The following PDE3A variants were observed in gnomAD, a reference collection of about 807,000 sequenced individuals.
PDE3A encodes the protein cGMP-inhibited 3',5'-cyclic phosphodiesterase 3A.
PDE3A carries 43 observed loss-of-function variants against 98.3 expected under a neutral mutation model. The ratio of observed to expected loss-of-function variants is 0.44; its 90% CI spans 0.34 to 0.56. PDE3A has a LOEUF of 0.56. Ranked by LOEUF, PDE3A falls within the 20% of genes least tolerant of loss-of-function variation. PDE3A has a pLI of 0.01. For missense variants in PDE3A, 1,427 were observed against 1,440.7 expected, an observed-to-expected ratio of 0.99 and a Z score of 0.15; for synonymous variants, 663 against 567.9, an observed-to-expected ratio of 1.17 and a Z score of -2.38.
At chr12:20,441,755 C>T (rs1944874323) in intron 1 of PDE3A, among the ~76,000 whole-genome samples, 1 of 152,016 alleles carries the variant, frequency 6.6e-6, no homozygotes. Flanking sequence ...GTGTTCCTCC[C>T]AATTACTCTG....
At chr12:20,398,297 CTT>C (rs34700120) in intron 1 of PDE3A, among the ~76,000 whole-genome samples, 10 of 140,890 alleles carry the variant, frequency 7.1e-5, no homozygotes, top group Admixed American at 7.1e-5. Context: ...TCTTAGTTCA[CTT>C]TTTTTTTTTT....
At chr12:20,460,671 C>G (rs1385934942) in intron 1 of PDE3A, among the ~76,000 whole-genome samples, 1 of 152,172 alleles carries the variant, frequency 6.6e-6, no homozygotes, top group Admixed American at 6.5e-5. Flanking sequence ...TAGTAGTCTT[C>G]TCAAGATTAT....
At chr12:20,542,436 TACACACACACACACACACACAC>T (rs57427303) in intron 1 of PDE3A, among the ~76,000 whole-genome samples, 9 of 149,892 alleles carry the variant, frequency 6.0e-5, no homozygotes, top group East Asian at 4.0e-4. Context: ...CGTAACAGCA[TACACACACACACACACACACAC>T]ACACACACAC....
intron 1 of PDE3A, among the ~76,000 whole-genome samples, chr12:20,403,189 C>T (rs1591892467): frequency 6.6e-6 from 1 of 152,118 alleles, no homozygotes; most frequent in Non-Finnish European, 1.5e-5. Context: ...TTGCAAAATG[C>T]AACAGTTCTA....
At chr12:20,650,263 G>T (rs1944886227) in intron 13 of PDE3A, among the ~76,000 whole-genome samples, 182 bp from the exon 14 acceptor site, 1 of 151,758 alleles carries the variant, frequency 6.6e-6, no homozygotes, top group Admixed American at 6.6e-5. Context: ...CTTTTTTTGT[G>T]AACTATTTTT....
Position 20,369,972 on chromosome 12 carries a change from G to A in PDE3A, c.688G>A (p.Glu230Lys), listed in dbSNP as rs756159871. The change falls in exon 1 of 16, where the codon GAG becomes AAG. Residue 230 changes from glutamate to lysine, a missense_variant. Physicochemically the swap from Glu to Lys is moderately conservative, Grantham distance 56. This residue lies in a region of PDE3A where 1,012 missense variants were observed against 886.5 expected (regional missense o/e 1.14). Transcript: ENST00000359062. ...AVRTVSLISL[E>K]RFKVAWRPYL... ...CAGGACCGTGTCCCTCATTTCCTTA[G>A]AGAGGTTCAAGGTCGCCTGGAGACC... 3.1e-6 allele frequency: 5 copies of A among 1,613,388 alleles called. No homozygotes were observed. Among genetic ancestry groups the A allele is most frequent in the South Asian group, 1.1e-5 (1 of 91,082 alleles).
chr12:20,646,119 A>G (rs939867865), intron 10 of PDE3A, among the ~76,000 whole-genome samples: 1 of 152,204 alleles, frequency 6.6e-6, no homozygotes, highest in African/African-American at 2.4e-5. Flanking sequence ...TGTCATAGCT[A>G]TTACATTTAT....
At chr12:20,569,433 T>C (rs992801477) in intron 2 of PDE3A, among the ~76,000 whole-genome samples, 4 of 152,156 alleles carry the variant, frequency 2.6e-5, no homozygotes, top group Non-Finnish European at 5.9e-5. Context: ...ATAGTATGTC[T>C]CTCTCTTCTT....
chr12:20,632,710 C>A (rs1944408524), intron 6 of PDE3A, among the ~76,000 whole-genome samples: 1 of 151,958 alleles, frequency 6.6e-6, no homozygotes, highest in Non-Finnish European at 1.5e-5. Context: ...CATCTAGGGC[C>A]TGTTTCTCTC....
chr12:20,373,523 TAAAG>T (rs1459550405), intron 1 of PDE3A, among the ~76,000 whole-genome samples: 1 of 152,144 alleles, frequency 6.6e-6, no homozygotes, highest in Non-Finnish European at 1.5e-5. Context: ...TCTTTATAAA[TAAAG>T]AACTATAATT....
In PDE3A at chr12:20,682,686, C is replaced by G. The variant is rs887849901; in HGVS notation, c.*2415C>G. Reference sequence around the variant, plus strand: ...AAAAATTACTATAAGTCAAATTTTGCCAGTGAATTTAACTATTTTTCTTTC... The same window carrying G: ...AAAAATTACTATAAGTCAAATTTTGGCAGTGAATTTAACTATTTTTCTTTC... On this transcript the variant is annotated 3_prime_UTR_variant, in exon 16 of 16. Coordinates refer to ENST00000359062, the MANE Select transcript of PDE3A (RefSeq NM_000921.5). 1 of 152,066 alleles carries G rather than the reference C, an allele frequency of 6.6e-6. No individual in the cohort carries two copies. The highest frequency in any genetic ancestry group is 1.5e-5 in the Non-Finnish European group (1 of 68,000). 9.4% of individuals were successfully genotyped at this position (152,066 alleles called of 1,614,324 possible).
Position 20,462,978 on chromosome 12 carries a change from C to T in PDE3A, c.960+92734C>T, listed in dbSNP as rs1190725235. ...GTAGAGATAGGGTCTCCCTGTGTTGCCTAGGCTGGTCTCAAACTCCTGGCC... is the reference window on the plus strand; with the variant it reads ...GTAGAGATAGGGTCTCCCTGTGTTGTCTAGGCTGGTCTCAAACTCCTGGCC... On this transcript the variant is annotated intron_variant, in intron 1 of 15. Coordinates refer to ENST00000359062, the MANE Select transcript of PDE3A (RefSeq NM_000921.5). 3.3e-5 allele frequency among the ~76,000 whole-genome samples: 5 copies of T among 151,942 alleles called. No individual in the cohort carries two copies. The East Asian group carries it at 9.7e-4, about 29-fold the overall frequency.
chr12:20,596,878 TA>T (rs944755393), intron 2 of PDE3A, among the ~76,000 whole-genome samples: 4 of 152,044 alleles, frequency 2.6e-5, no homozygotes, highest in South Asian at 2.1e-4. Context: ...AGTGTTTATT[TA>T]AAAAAAATAC....
intron 1 of PDE3A, among the ~76,000 whole-genome samples, chr12:20,428,538 C>G (rs1275333959): frequency 2.6e-5 from 4 of 152,096 alleles, no homozygotes; most frequent in Non-Finnish European, 4.4e-5. Flanking sequence ...GTCTCAGCCT[C>G]CCAAAGTGCT....
intron 1 of PDE3A, among the ~76,000 whole-genome samples, chr12:20,478,977 T>A (rs1232284605): frequency 3.3e-5 from 5 of 152,228 alleles, no homozygotes; most frequent in Non-Finnish European, 5.9e-5. Context: ...ACACTAATTT[T>A]AAAATATATA....
intron 1 of PDE3A, among the ~76,000 whole-genome samples, chr12:20,418,805 T>C (rs986481316): frequency 6.6e-6 from 1 of 152,172 alleles, no homozygotes; most frequent in Non-Finnish European, 1.5e-5. Context: ...TGGGATAGTA[T>C]TATATATTGA....
chr12:20,609,761 T>G (rs1943800892), intron 2 of PDE3A, among the ~76,000 whole-genome samples: 1 of 151,956 alleles, frequency 6.6e-6, no homozygotes, highest in Non-Finnish European at 1.5e-5. Flanking sequence ...CATGTTCAAA[T>G]AATTTTACAC....
At chr12:20,567,619 C>T (rs1320321050) in intron 2 of PDE3A, among the ~76,000 whole-genome samples, 1 of 152,056 alleles carries the variant, frequency 6.6e-6, no homozygotes, top group South Asian at 2.1e-4. Context: ...TACTCCCCCC[C>T]ACTTCCTCCC....
chr12:20,431,613 ACACACACACG>A (rs1555145388), intron 1 of PDE3A, among the ~76,000 whole-genome samples: 2 of 150,806 alleles, frequency 1.3e-5, no homozygotes, highest in African/African-American at 4.9e-5. Flanking sequence ...ACACACACAC[ACACACACACG>A]CACACACACG....
Sources: gnomAD v4.1 joint callset for allele counts (sites outside exome capture counted in the v4.1 genomes callset) on GRCh38, gnomAD v4.1.1 for gene constraint, gnomAD v4.1.1 regional missense constraint, MANE v1.5 for transcripts, NCBI Gene and HGNC (gene_info 2026-07-23, HGNC 2026-07-21) for gene names.